CCDC178: variants seen among roughly 807,000 people sequenced by gnomAD.
The protein encoded by CCDC178 is coiled-coil domain-containing protein 178.
In CCDC178, 126 loss-of-function variants were observed where a neutral mutation model predicts 117.4. That is an observed-to-expected ratio of 1.07 (90% CI 0.93 to 1.24). CCDC178 has a LOEUF of 1.24. CCDC178 is among the 50% of genes most tolerant of loss of function. CCDC178 has a pLI of 0.00. For synonymous variants in CCDC178, 283 were observed against 313.4 expected (o/e 0.90, Z 1.02); for missense variants, 1,030 against 986.9 (o/e 1.04, Z -0.59).
intron 12 of CCDC178, among the ~76,000 whole-genome samples, chr18:33,281,136 A>T (rs928097420): frequency 6.7e-6 from 1 of 149,670 alleles, no homozygotes; most frequent in African/African-American, 2.5e-5. Context: ...CACACAAAAA[A>T]TAAATAAAAT....
intron 3 of CCDC178, among the ~76,000 whole-genome samples, chr18:33,411,178 T>C (rs1366430424): frequency 6.6e-6 from 1 of 152,198 alleles, no homozygotes; most frequent in Non-Finnish European, 1.5e-5. Context: ...TATGGTTGGT[T>C]GTTACATAGC....
chr18:33,039,492 C>A (rs529769391), intron 21 of CCDC178, among the ~76,000 whole-genome samples: 1 of 152,002 alleles, frequency 6.6e-6, no homozygotes, highest in Non-Finnish European at 1.5e-5. Context: ...AAGCATTGAT[C>A]AGTGGCTACA....
intron 11 of CCDC178, among the ~76,000 whole-genome samples, chr18:33,317,702 T>G (rs540269381): frequency 6.6e-6 from 1 of 152,096 alleles, no homozygotes; most frequent in Non-Finnish European, 1.5e-5. Flanking sequence ...CTCAGCACCA[T>G]TCAAGAATGA....
In CCDC178 at chr18:33,379,953, T is replaced by C. The variant is rs192081826; in HGVS notation, c.208+9587A>G. On this transcript the variant is annotated intron_variant, in intron 5 of 22. Transcript: ENST00000383096. ...TATTTTGAATGCCTGGAGAACTGGC[T>C]GGGTGTGGAGCAGAGAGGGCCCCAC... 2.7e-3 allele frequency among the ~76,000 whole-genome samples: 411 copies of C among 152,268 alleles called. 4 individuals are homozygous for C. Among genetic ancestry groups the C allele is most frequent in the African/African-American group, 9.3e-3 (385 of 41,554 alleles).
intron 20 of CCDC178, among the ~76,000 whole-genome samples, chr18:33,177,165 T>C (rs890033062): frequency 6.6e-6 from 1 of 151,118 alleles, no homozygotes; most frequent in Non-Finnish European, 1.5e-5. Context: ...TGAGAACACA[T>C]GGACACAGGG....
chr18:33,097,145 G>A (rs1341048616), intron 20 of CCDC178, among the ~76,000 whole-genome samples: 2 of 152,094 alleles, frequency 1.3e-5, no homozygotes, highest in African/African-American at 4.8e-5. Context: ...TGCTAGAAAT[G>A]ATGCTAAGTG....
At chr18:33,014,798 G>GA (rs1161990081) in intron 21 of CCDC178, among the ~76,000 whole-genome samples, 1 of 152,016 alleles carries the variant, frequency 6.6e-6, no homozygotes. Flanking sequence ...ATTGGTCCAG[G>GA]AAAATCACAA....
At chr18:33,382,136 C>A (rs1376406180) in intron 5 of CCDC178, among the ~76,000 whole-genome samples, 3 of 152,078 alleles carry the variant, frequency 2.0e-5, no homozygotes, top group Non-Finnish European at 4.4e-5. Flanking sequence ...AATTTAATCT[C>A]ATAAAATTGA....
chr18:33,266,632 G>A (rs2144766310), intron 14 of CCDC178, among the ~76,000 whole-genome samples: 1 of 144,186 alleles, frequency 6.9e-6, no homozygotes, highest in African/African-American at 2.6e-5. Flanking sequence ...CACACACCGG[G>A]GACTGTTGTG....
At chr18:33,157,588 T>TA (rs1027107078) in intron 20 of CCDC178, among the ~76,000 whole-genome samples, 5 of 152,142 alleles carry the variant, frequency 3.3e-5, no homozygotes, top group African/African-American at 9.6e-5. Flanking sequence ...AATGTGGTTT[T>TA]AAAAAAATAC....
chr18:33,389,657 A>T lies in CCDC178; in HGVS notation c.119-28T>A, dbSNP rs771679000. 5 of 1,192,198 alleles carry T rather than the reference A, an allele frequency of 4.2e-6. No individual in the cohort carries two copies. In the Admixed American group the frequency reaches 1.3e-4, roughly 31 times the overall value. The allele number at this position is 1,192,198 out of a possible 1,614,324, so 73.9% of individuals were successfully genotyped here. On this transcript the variant is annotated intron_variant, in intron 4 of 22. Coordinates refer to ENST00000383096, the MANE Select transcript of CCDC178 (RefSeq NM_001105528.4). ...TTTAAAAAGAAAAAATACATATTTT[A>T]GTGAGTAGTTAATATTATAGAAAAT...
Position 33,252,686 on chromosome 18 carries a change from A to G in CCDC178, c.1410-7258T>C, listed in dbSNP as rs567739266. Among the ~76,000 whole-genome samples, 5 of 151,888 alleles carry G rather than the reference A, an allele frequency of 3.3e-5. No homozygotes were observed. The East Asian group carries it at 5.8e-4, about 18-fold the overall frequency. ...CAACTTCAGTAATATTCGAATTGCT[A>G]TCTCTACAAATAAATCACCACACTG... On this transcript the variant is annotated intron_variant, in intron 14 of 22. Transcript: ENST00000383096.
At chr18:33,010,324 C>A (rs969436131) in intron 21 of CCDC178, among the ~76,000 whole-genome samples, 5 of 152,098 alleles carry the variant, frequency 3.3e-5, no homozygotes, top group African/African-American at 1.2e-4. Flanking sequence ...GTATTCCCCT[C>A]AGATTCCCTG....
intron 20 of CCDC178, among the ~76,000 whole-genome samples, chr18:33,136,557 G>C (rs1678896437): frequency 1.3e-5 from 2 of 152,076 alleles, no homozygotes; most frequent in African/African-American, 4.8e-5. Flanking sequence ...GGGACCCTAG[G>C]GACAGAAGAA....
At chr18:33,366,700 T>A (rs556295042) in intron 6 of CCDC178, among the ~76,000 whole-genome samples, 101 of 152,164 alleles carry the variant, frequency 6.6e-4, no homozygotes, top group African/African-American at 2.3e-3. Flanking sequence ...ATATTATATG[T>A]AACTGGGGTG....
chr18:33,399,911 A>C (rs2063688155), intron 3 of CCDC178, among the ~76,000 whole-genome samples: 1 of 152,144 alleles, frequency 6.6e-6, no homozygotes, highest in Non-Finnish European at 1.5e-5. Context: ...GTCACTATCT[A>C]TGGTAGCTAT....
intron 21 of CCDC178, among the ~76,000 whole-genome samples, chr18:32,980,264 GCA>G (rs2055121088): frequency 6.6e-6 from 1 of 152,046 alleles, no homozygotes; most frequent in African/African-American, 2.4e-5. Flanking sequence ...TAATAATACA[GCA>G]GACAAGGATT....
chr18:33,039,162 A>AAAAAC (rs1407936138), intron 21 of CCDC178, among the ~76,000 whole-genome samples: 2 of 152,038 alleles, frequency 1.3e-5, no homozygotes, highest in African/African-American at 4.8e-5. Flanking sequence ...TTCTTCAAAT[A>AAAAAC]AAAACATAAT....
intron 22 of CCDC178, among the ~76,000 whole-genome samples, chr18:32,955,328 A>G (rs2144640392): frequency 6.6e-6 from 1 of 152,298 alleles, no homozygotes; most frequent in Non-Finnish European, 1.5e-5. Flanking sequence ...TTGTACTCCT[A>G]TAGAGTCATA....
Sources: gnomAD v4.1 joint callset for allele counts (sites outside exome capture counted in the v4.1 genomes callset) on GRCh38, gnomAD v4.1.1 for gene constraint, MANE v1.5 for transcripts, NCBI Gene and HGNC (gene_info 2026-07-23, HGNC 2026-07-21) for gene names.